Variants in FLT1 observed in about 807,000 individuals in gnomAD.
FLT1 encodes fms related receptor tyrosine kinase 1.
FLT1 carries 49 observed loss-of-function variants against 156.3 expected under a neutral mutation model. The ratio of observed to expected loss-of-function variants is 0.31; its 90% CI spans 0.25 to 0.40. The LOEUF (loss-of-function observed/expected upper bound fraction) is 0.40, where lower values mean the gene tolerates loss of function less well. Among genes scored for constraint, FLT1 ranks in the 10% least tolerant of loss-of-function variants. The pLI is 1.00. For synonymous variants in FLT1, 594 were observed against 583.8 expected (o/e 1.02, Z -0.25); for missense variants, 1,322 against 1,637.2 (o/e 0.81, Z 3.32).
intron 3 of FLT1, among the ~76,000 whole-genome samples, chr13:28,460,230 C>G (rs565549069): frequency 6.6e-6 from 1 of 152,234 alleles, no homozygotes; most frequent in Non-Finnish European, 1.5e-5. Flanking sequence ...ATGAATAGGG[C>G]TCCCCATTAG....
intron 14 of FLT1, among the ~76,000 whole-genome samples, chr13:28,366,475 T>G (rs978841038): frequency 6.7e-6 from 1 of 150,368 alleles, no homozygotes; most frequent in Non-Finnish European, 1.5e-5. Flanking sequence ...GGAAAGCATT[T>G]TTTTTTTTTT....
chr13:28,319,502 T>C lies in FLT1; in HGVS notation c.3207A>G (p.Glu1069=), dbSNP rs2138826762. 3 of 1,613,910 alleles carry C rather than the reference T, an allele frequency of 1.9e-6. No homozygotes were observed. The highest frequency in any genetic ancestry group is 2.5e-6 in the Non-Finnish European group (3 of 1,179,846). Residue 1069 remains glutamate (E), a synonymous_variant, in exon 24 of 30, where the codon GAA becomes GAG. Transcript: ENST00000282397. ...TRLPLKWMAP[E]SIFDKIYSTK... Reference sequence around the variant, plus strand: ...TGCTGTAGATTTTGTCAAAGATAGATTCAGGAGCCATCCATTTCAGAGGAA... The same window carrying C: ...TGCTGTAGATTTTGTCAAAGATAGACTCAGGAGCCATCCATTTCAGAGGAA...
Position 28,357,193 on chromosome 13 carries a change from C to T in FLT1, c.2248+361G>A, listed in dbSNP as rs575896573. Among the ~76,000 whole-genome samples, 17 of 151,892 alleles carry T rather than the reference C, an allele frequency of 1.1e-4. No homozygotes were observed. In the East Asian group the frequency reaches 2.7e-3, roughly 24 times the overall value. ...GCGAGTTCCCCCTCCTCACCTACCCCCCTCCCTTTTCTTCCATTTTGGACA... is the reference window on the plus strand; with the variant it reads ...GCGAGTTCCCCCTCCTCACCTACCCTCCTCCCTTTTCTTCCATTTTGGACA... On this transcript the variant is annotated intron_variant, in intron 15 of 29. Coordinates refer to ENST00000282397, the MANE Select transcript of FLT1 (RefSeq NM_002019.4).
chr13:28,345,766 C>G, intron 15 of FLT1: 1 of 495,118 alleles, frequency 2.0e-6, no homozygotes, highest in South Asian at 2.8e-5. Context: ...CATGAACTCA[C>G]ATAATGAACT....
chr13:28,399,537 T>C (rs1285066750), intron 11 of FLT1, among the ~76,000 whole-genome samples: 1 of 152,126 alleles, frequency 6.6e-6, no homozygotes, highest in African/African-American at 2.4e-5. Context: ...ATGTATACAT[T>C]TGCCACATTT....
intron 10 of FLT1, among the ~76,000 whole-genome samples, chr13:28,415,478 T>C (rs1306002780): frequency 6.6e-6 from 1 of 152,016 alleles, no homozygotes; most frequent in Non-Finnish European, 1.5e-5. Flanking sequence ...CAAAACTCCA[T>C]CTTAATAATA....
chr13:28,310,887 T>TA (rs1418103064), intron 27 of FLT1, among the ~76,000 whole-genome samples: 1 of 152,052 alleles, frequency 6.6e-6, no homozygotes, highest in African/African-American at 2.4e-5. Flanking sequence ...ATCCTGCTTT[T>TA]AAAAAAAACA....
At chr13:28,452,662 C>T (rs886814625) in intron 3 of FLT1, among the ~76,000 whole-genome samples, 6 of 152,102 alleles carry the variant, frequency 3.9e-5, no homozygotes, top group South Asian at 4.1e-4. Context: ...ATTATAAAGA[C>T]GAAGCTTAAT....
At chr13:28,349,461 T>C (rs11617821) in intron 15 of FLT1, among the ~76,000 whole-genome samples, 2,192 of 101,860 alleles carry the variant, frequency 0.022, 22 homozygotes, top group Non-Finnish European at 0.031. Flanking sequence ...CACACACACA[T>C]GCGCACACGC....
chr13:28,397,197 G>C lies in FLT1; in HGVS notation c.1552-129C>G, dbSNP rs1875101580. 4.4e-6 allele frequency: 3 copies of C among 679,462 alleles called. No individual in the cohort carries two copies. In the South Asian group the frequency reaches 5.0e-5, roughly 11 times the overall value. The allele number at this position is 679,462 out of a possible 1,614,324, so 42.1% of individuals were successfully genotyped here. On this transcript the variant is annotated intron_variant, in intron 11 of 29. Coordinates refer to ENST00000282397, the MANE Select transcript of FLT1 (RefSeq NM_002019.4). ...GCAAAGAGAGTATTGCATAGGTGGTGGTTACCAGAAGGCTCTCCCCTTGCC... is the reference window on the plus strand; with the variant it reads ...GCAAAGAGAGTATTGCATAGGTGGTCGTTACCAGAAGGCTCTCCCCTTGCC...
chr13:28,390,053 T>G lies in FLT1; in HGVS notation c.1712A>C (p.Glu571Ala), dbSNP rs369656414. 2 of 1,614,066 alleles carry G rather than the reference T, an allele frequency of 1.2e-6. No individual in the cohort carries two copies. Among genetic ancestry groups the G allele is most frequent in the African/African-American group, 2.7e-5 (2 of 74,928 alleles). Reference sequence around the variant, plus strand: ...AACTGTGCAAGACAGTTTCAGGTCCTCTCCTTCCGTCGGCATTTTTTCCAA... The same window carrying G: ...AACTGTGCAAGACAGTTTCAGGTCCGCTCCTTCCGTCGGCATTTTTTCCAA... ...VNLEKMPTEG[E>A]DLKLSCTVNK... The change falls in exon 13 of 30, where the codon GAG becomes GCG. Residue 571 changes from glutamate to alanine, a missense_variant. By Grantham distance (107) the Glu-to-Ala change is moderately radical (BLOSUM62 -1). Coordinates refer to ENST00000282397, the MANE Select transcript of FLT1 (RefSeq NM_002019.4).
chr13:28,461,366 G>C (rs569705535), intron 3 of FLT1, among the ~76,000 whole-genome samples: 8 of 152,184 alleles, frequency 5.3e-5, no homozygotes, highest in African/African-American at 1.7e-4. Context: ...CCAGTACAGG[G>C]GAAATAGACC....
rs61762459 is a variant in FLT1 at position 28,319,551 on chromosome 13, G to A, written c.3175-17C>T. On this transcript the variant is annotated splice_polypyrimidine_tract_variant and intron_variant, in intron 23 of 29. Transcript: ENST00000282397. ...AAGTCGAGTCTAGAAGAGGGCAAGG[G>A]GGCCTTGAGCAGAAGGGCATGAAAA... The A allele has an allele frequency of 1.4e-3, 2,144 of 1,513,716 alleles. 27 individuals carry two copies. The African/African-American group carries it at 0.025, about 18-fold the overall frequency. The allele number at this position is 1,513,716 out of a possible 1,614,324, so 93.8% of individuals were successfully genotyped here.
chr13:28,308,123 G>A lies in FLT1; in HGVS notation c.3720+720C>T, dbSNP rs189873409. The stretch of plus-strand genomic sequence containing the variant: ...TGTGCAGGAATCCCCTAGGGATCTT[G>A]CCAAGGTGCAGCCTGACTCAGTGGG... On this transcript the variant is annotated intron_variant, in intron 28 of 29. Coordinates refer to ENST00000282397, the MANE Select transcript of FLT1 (RefSeq NM_002019.4). Among the ~76,000 whole-genome samples, 845 of 152,296 alleles carry A rather than the reference G, an allele frequency of 5.5e-3. 6 individuals are homozygous for A. The highest frequency in any genetic ancestry group is 0.02 in the African/African-American group (812 of 41,578).
rs1423880278 is a variant in FLT1, at chr13:28,339,279, C to T, written c.2377G>A (p.Asp793Asn). 1 of 1,613,246 alleles carries T rather than the reference C, an allele frequency of 6.2e-7. No homozygotes were observed. The highest frequency in any genetic ancestry group is 1.3e-5 in the African/African-American group (1 of 74,908). ...GGGTCCATTATAATTGATAGGTAGT[C>T]AGTCTTTATTTCAGAAGAAGACTGA... ...MKRSSSEIKTDYLSIIMDPDE... is the reference protein window; with the variant it reads ...MKRSSSEIKTNYLSIIMDPDE... Residue 793 changes from aspartate to asparagine, a missense_variant, in exon 17 of 30, where the codon GAC (aspartate) becomes AAC (asparagine). Coordinates refer to ENST00000282397, the MANE Select transcript of FLT1 (RefSeq NM_002019.4).
chr13:28,339,576 T>C (rs1361636306), intron 16 of FLT1, among the ~76,000 whole-genome samples: 1 of 152,228 alleles, frequency 6.6e-6, no homozygotes, highest in Non-Finnish European at 1.5e-5. Flanking sequence ...TGACCTTATG[T>C]GTTGTACTTG....
In FLT1 at chr13:28,329,719, G is replaced by A. The variant is rs1490896111; in HGVS notation, c.2603C>T (p.Thr868Met). Residue 868 changes from threonine to methionine, a missense_variant, in exon 19 of 30, where the codon ACG becomes ATG. Coordinates refer to ENST00000282397, the MANE Select transcript of FLT1 (RefSeq NM_002019.4). ...CATCAGAGCTTTGTACTCGCTGGCC[G>A]TGGCCCCCTCTGTGTGAGAAGCAAG... ...VAVKMLKEGA[T>M]ASEYKALMTE... The A allele has an allele frequency of 2.5e-6, 4 of 1,613,566 alleles. No homozygotes were observed. The highest frequency in any genetic ancestry group is 3.4e-6 in the Non-Finnish European group (4 of 1,179,554).
At chr13:28,466,689 C>T (rs760676806) in intron 3 of FLT1, 163 of 648,538 alleles carry the variant, frequency 2.5e-4, no homozygotes, top group Middle Eastern at 1.2e-3. Context: ...ACAGACCAGT[C>T]TCTCTCTTTG....
intron 10 of FLT1, among the ~76,000 whole-genome samples, chr13:28,418,673 C>T (rs565991023): frequency 1.3e-5 from 2 of 152,286 alleles, no homozygotes; most frequent in Non-Finnish European, 2.9e-5. Flanking sequence ...AAGCCTTCCT[C>T]CCGTCTCAGC....
Sources: allele counts gnomAD v4.1 joint callset (sites outside exome capture counted in the v4.1 genomes callset), GRCh38; gene constraint gnomAD v4.1.1; transcripts MANE v1.5; gene names NCBI Gene and HGNC (gene_info 2026-07-23, HGNC 2026-07-21).